The following EAF2 variants were observed in gnomAD, a reference collection of about 807,000 sequenced individuals.
EAF2 encodes the protein ELL associated factor 2.
EAF2 carries 29 observed loss-of-function variants against 29.4 expected under a neutral mutation model. The observed-to-expected ratio is 0.99, with a 90% CI of 0.73 to 1.35. The LOEUF (loss-of-function observed/expected upper bound fraction) is 1.35. Among genes scored for constraint, EAF2 ranks in the 40% most tolerant of loss-of-function variants. The pLI, the probability that EAF2 is intolerant of heterozygous loss-of-function variation, is 0.00. For synonymous variants in EAF2, 103 were observed against 102.5 expected (o/e 1.00, Z -0.03); for missense variants, 292 against 312.0 (o/e 0.94, Z 0.48).
At chr3:121,851,406 C>G (rs1708629790) in intron 2 of EAF2, among the ~76,000 whole-genome samples, 1 of 152,050 alleles carries the variant, frequency 6.6e-6, no homozygotes, top group African/African-American at 2.4e-5. Context: ...GTCGGAAACT[C>G]CTGGGCTCAA....
At chr3:121,850,894 G>A (rs1200429757) in intron 2 of EAF2, among the ~76,000 whole-genome samples, 1 of 151,756 alleles carries the variant, frequency 6.6e-6, no homozygotes, top group East Asian at 2.0e-4. Context: ...AGAGTTGGGG[G>A]TTCACTATGT....
intron 2 of EAF2, among the ~76,000 whole-genome samples, chr3:121,848,735 G>A (rs184882237): frequency 1.3e-5 from 2 of 152,254 alleles, no homozygotes; most frequent in Admixed American, 6.5e-5. Context: ...TGGATGTTGT[G>A]TCTACACACA....
chr3:121,835,495 G>A (rs1708250248), intron 1 of EAF2, 104 bp downstream of exon 1: 2 of 1,021,978 alleles, frequency 2.0e-6, no homozygotes, highest in Non-Finnish European at 2.9e-6. Context: ...TTACACTGTT[G>A]GAGACTACGG....
chr3:121,860,402 G>A (rs946235472), intron 4 of EAF2, among the ~76,000 whole-genome samples: 2 of 152,084 alleles, frequency 1.3e-5, no homozygotes, highest in African/African-American at 4.8e-5. Context: ...TCTTGGGAGG[G>A]TGTATGTGTC....
At chr3:121,886,222 G>A in intron 5 of EAF2, 120 bp from the exon 6 acceptor site, 3 of 479,392 alleles carry the variant, frequency 6.3e-6, no homozygotes, top group Non-Finnish European at 1.0e-5. Flanking sequence ...TACAGAATAA[G>A]CAAAATACTA....
chr3:121,837,724 C>G (rs1242063965), intron 1 of EAF2: 1 of 152,102 alleles, frequency 6.6e-6, no homozygotes, highest in Non-Finnish European at 1.5e-5. Context: ...GTAATTTAGT[C>G]AGACTTTGAA....
At chr3:121,849,617 G>A (rs1405344413) in intron 2 of EAF2, among the ~76,000 whole-genome samples, 1 of 152,020 alleles carries the variant, frequency 6.6e-6, no homozygotes, top group Non-Finnish European at 1.5e-5. Flanking sequence ...TAGTGGTTAT[G>A]TATAATTCAA....
At chr3:121,879,691 G>A (rs1709160307) in intron 5 of EAF2, among the ~76,000 whole-genome samples, 1 of 148,520 alleles carries the variant, frequency 6.7e-6, no homozygotes, top group African/African-American at 2.5e-5. Flanking sequence ...CCCACAGAAT[G>A]TTCTTGGTGA....
At position 121,886,467 on chromosome 3, in the gene EAF2, G is replaced by C. The variant is rs1000000916; in HGVS notation, c.*79G>C. Reference sequence around the variant, plus strand: ...ATTAACAATAAAAATTCCTAAGACTGAGGGAAATATGTCTTAACTTTTGAT... The same window carrying C: ...ATTAACAATAAAAATTCCTAAGACTCAGGGAAATATGTCTTAACTTTTGAT... On this transcript the variant is annotated 3_prime_UTR_variant, in exon 6 of 6. Transcript: ENST00000273668. The C allele has an allele frequency of 2.5e-6, 2 of 790,378 alleles. No homozygotes were observed. Among genetic ancestry groups the C allele is most frequent in the African/African-American group, 3.7e-5 (2 of 54,370 alleles). 49.0% of individuals were successfully genotyped at this position (790,378 alleles called of 1,614,324 possible).
chr3:121,854,058 G>A (rs1277997523), intron 2 of EAF2, among the ~76,000 whole-genome samples: 1 of 152,136 alleles, frequency 6.6e-6, no homozygotes, highest in Non-Finnish European at 1.5e-5. Flanking sequence ...GCTTCTGCCT[G>A]TAATCACAGC....
At chr3:121,884,256 C>T (rs964760727) in intron 5 of EAF2, among the ~76,000 whole-genome samples, 2 of 147,232 alleles carry the variant, frequency 1.4e-5, no homozygotes, top group Non-Finnish European at 1.5e-5. Flanking sequence ...AGGAGAATCA[C>T]TTGAACCAGG....
At position 121,844,556 on chromosome 3, in the gene EAF2, T is replaced by C. The variant is rs777646967; in HGVS notation, c.201+9T>C. ...CTCTGCCAAATATAGAAGTGAGTAT[T>C]TCTGTATCTTTAAAGTGATCACTTT... is the stretch of plus-strand genomic sequence containing the variant. On this transcript the variant is annotated intron_variant, in intron 2 of 5. Coordinates refer to ENST00000273668, the MANE Select transcript of EAF2 (RefSeq NM_018456.6). 6.5e-7 allele frequency: 1 copy of C among 1,540,728 alleles called. No homozygotes were observed. Among genetic ancestry groups the C allele is most frequent in the South Asian group, 1.2e-5 (1 of 86,502 alleles).
intron 5 of EAF2, among the ~76,000 whole-genome samples, chr3:121,880,428 TC>T (rs1375375721): frequency 6.6e-6 from 1 of 150,452 alleles, no homozygotes; most frequent in Non-Finnish European, 1.5e-5. Flanking sequence ...CAGGCATGAG[TC>T]ACTGTCCTGG....
chr3:121,837,057 A>C (rs796771016), intron 1 of EAF2, among the ~76,000 whole-genome samples: 7 of 152,262 alleles, frequency 4.6e-5, no homozygotes, highest in African/African-American at 1.7e-4. Context: ...AATAAACAAA[A>C]ATAAGCAAAA....
chr3:121,882,439 A>G (rs192810862), intron 5 of EAF2, among the ~76,000 whole-genome samples: 1 of 152,232 alleles, frequency 6.6e-6, no homozygotes, highest in African/African-American at 2.4e-5. Flanking sequence ...TAATTACCAA[A>G]AAACAGAACT....
In EAF2 at chr3:121,853,916, T is replaced by A. The variant is rs914612052; in HGVS notation, c.202-771T>A. On this transcript the variant is annotated intron_variant, in intron 2 of 5. Coordinates refer to ENST00000273668, the MANE Select transcript of EAF2 (RefSeq NM_018456.6). ...TTATCTTACTTTTAATTATGCTAAA[T>A]TTAATTAGTGGGTTTAGTGTAAGAG... 2.0e-5 allele frequency among the ~76,000 whole-genome samples: 3 copies of A among 152,276 alleles called. No individual in the cohort carries two copies. The South Asian group carries it at 6.2e-4, about 32-fold the overall frequency.
chr3:121,837,575 A>G (rs1454207911), intron 1 of EAF2: 1 of 152,178 alleles, frequency 6.6e-6, no homozygotes, highest in Non-Finnish European at 1.5e-5. Flanking sequence ...TAATATTTAC[A>G]TTTCATGGTT....
In EAF2 at chr3:121,865,607, C is replaced by T. The variant is rs537535587; in HGVS notation, c.485-6930C>T. ...CTGTAATCCCAGCACTTTGGGAGGC[C>T]GAGGTGGGAGGATCGTTTGAGGCCA... On this transcript the variant is annotated intron_variant, in intron 4 of 5. Transcript: ENST00000273668. Among the ~76,000 whole-genome samples, 8 of 151,834 alleles carry T rather than the reference C, an allele frequency of 5.3e-5. No individual in the cohort carries two copies. The East Asian group carries it at 5.8e-4, about 11-fold the overall frequency.
At chr3:121,881,902 C>T (rs1198590996) in intron 5 of EAF2, among the ~76,000 whole-genome samples, 1 of 151,920 alleles carries the variant, frequency 6.6e-6, no homozygotes, top group Non-Finnish European at 1.5e-5. Flanking sequence ...CAAATCACAA[C>T]CAAATAAGGG....
Sources: gnomAD v4.1 joint callset for allele counts (sites outside exome capture counted in the v4.1 genomes callset) on GRCh38, gnomAD v4.1.1 for gene constraint, MANE v1.5 for transcripts, NCBI Gene and HGNC (gene_info 2026-07-23, HGNC 2026-07-21) for gene names.